TSHZ2: variants seen among roughly 807,000 people sequenced by gnomAD.
TSHZ2 encodes teashirt homolog 2.
A neutral mutation model predicts 74.4 loss-of-function variants in TSHZ2; 21 were observed. That is an observed-to-expected ratio of 0.28 (90% CI 0.20 to 0.41). The LOEUF (loss-of-function observed/expected upper bound fraction) is 0.41, where lower values mean the gene tolerates loss of function less well. Among genes scored for constraint, TSHZ2 ranks in the 10% least tolerant of loss-of-function variants. The probability of loss-of-function intolerance (pLI) is 1.00; values close to 1 mark genes in which losing one functional copy is unlikely to be tolerated. For synonymous variants in TSHZ2, 540 were observed against 515.3 expected (o/e 1.05, Z -0.65); for missense variants, 1,244 against 1,293.5 (o/e 0.96, Z 0.59).
chr20:53,082,422 T>C (rs894894592), intron 1 of TSHZ2, among the ~76,000 whole-genome samples: 1 of 152,202 alleles, frequency 6.6e-6, no homozygotes, highest in African/African-American at 2.4e-5. Flanking sequence ...GAGGCACCAT[T>C]AGTAGTAAAA....
At chr20:53,131,117 G>A (rs1987090621) in intron 1 of TSHZ2, among the ~76,000 whole-genome samples, 3 of 152,110 alleles carry the variant, frequency 2.0e-5, no homozygotes, top group African/African-American at 7.2e-5. Flanking sequence ...ACCAGATTAG[G>A]TTGTTTATGA....
At chr20:53,125,096 G>A (rs1320606257) in intron 1 of TSHZ2, among the ~76,000 whole-genome samples, 1 of 152,206 alleles carries the variant, frequency 6.6e-6, no homozygotes, top group African/African-American at 2.4e-5. Flanking sequence ...CTTTTGGAAT[G>A]CGATTTTGTC....
At chr20:53,399,477 G>C (rs1053280057) in intron 2 of TSHZ2, 2 of 152,224 alleles carry the variant, frequency 1.3e-5, no homozygotes, top group Non-Finnish European at 2.9e-5. Context: ...AGTTCTCCGA[G>C]GTGGCCTCTG....
At chr20:53,015,134 G>A (rs1410845714) in intron 1 of TSHZ2, among the ~76,000 whole-genome samples, 1 of 152,108 alleles carries the variant, frequency 6.6e-6, no homozygotes, top group Admixed American at 6.5e-5. Context: ...TCTTCCCATG[G>A]CCTGGCTTCT....
chr20:53,370,871 A>C (rs900994574), intron 2 of TSHZ2, among the ~76,000 whole-genome samples: 4 of 152,084 alleles, frequency 2.6e-5, no homozygotes, highest in African/African-American at 9.7e-5. Flanking sequence ...ATTACTACAA[A>C]CTCAGTGGCT....
At position 53,400,856 on chromosome 20, in the gene TSHZ2, T is replaced by C. The variant is rs180685958; in HGVS notation, c.*9-86288T>C. ...AGGGTGCTCTCCCAGACCTGTATCATCCACCTCCGTTATCTCCCCTCACAC... is the reference window on the plus strand; with the variant it reads ...AGGGTGCTCTCCCAGACCTGTATCACCCACCTCCGTTATCTCCCCTCACAC... On this transcript the variant is annotated intron_variant, in intron 2 of 2. Transcript: ENST00000371497. 2.3e-3 allele frequency among the ~76,000 whole-genome samples: 353 copies of C among 152,262 alleles called. 7 individuals carry two copies. The highest frequency in any genetic ancestry group is 8.2e-4 in the Non-Finnish European group (56 of 68,016).
intron 2 of TSHZ2, among the ~76,000 whole-genome samples, chr20:53,287,039 C>T (rs1352913253): frequency 2.0e-5 from 3 of 152,082 alleles, no homozygotes; most frequent in East Asian, 1.9e-4. Flanking sequence ...AATGCACAAT[C>T]GTAGTGCCTG....
At chr20:53,265,915 T>C (rs1990706318) in intron 2 of TSHZ2, among the ~76,000 whole-genome samples, 1 of 152,178 alleles carries the variant, frequency 6.6e-6, no homozygotes, top group Non-Finnish European at 1.5e-5. Flanking sequence ...TCCCTTCCTT[T>C]CTTTCTTTTT....
chr20:53,271,172 G>C (rs1990828967), intron 2 of TSHZ2, among the ~76,000 whole-genome samples: 1 of 152,216 alleles, frequency 6.6e-6, no homozygotes, highest in Admixed American at 6.5e-5. Context: ...ATCCTGGGAA[G>C]GAAACACACA....
intron 1 of TSHZ2, among the ~76,000 whole-genome samples, chr20:52,986,167 G>A (rs958047584): frequency 2.0e-5 from 3 of 151,998 alleles, no homozygotes; most frequent in African/African-American, 4.8e-5. Context: ...CTAGGCAGGC[G>A]GATCACGAGG....
intron 1 of TSHZ2, among the ~76,000 whole-genome samples, chr20:53,043,989 T>C (rs565120540): frequency 6.6e-6 from 1 of 152,368 alleles, no homozygotes; most frequent in African/African-American, 2.4e-5. Context: ...TCCTAAGTAA[T>C]CCTTCATTCT....
intron 1 of TSHZ2, among the ~76,000 whole-genome samples, chr20:53,081,832 T>A (rs1455224254): frequency 6.6e-6 from 1 of 152,188 alleles, no homozygotes; most frequent in Non-Finnish European, 1.5e-5. Flanking sequence ...GTGGTCCTTT[T>A]TAGAAACACA....
At chr20:53,408,791 G>A (rs75469030) in intron 2 of TSHZ2, among the ~76,000 whole-genome samples, 2,778 of 152,254 alleles carry the variant, frequency 0.018, 91 homozygotes, top group African/African-American at 0.063. Context: ...GCTTCCAAAC[G>A]TATCTTTCAC....
At chr20:53,006,345 AATAG>A (rs1982645302) in intron 1 of TSHZ2, among the ~76,000 whole-genome samples, 1 of 152,248 alleles carries the variant, frequency 6.6e-6, no homozygotes, top group Non-Finnish European at 1.5e-5. Flanking sequence ...GAGACTGAGA[AATAG>A]ATACAGATTT....
chr20:53,414,245 G>T (rs1487013787), intron 2 of TSHZ2, among the ~76,000 whole-genome samples: 1 of 152,142 alleles, frequency 6.6e-6, no homozygotes, highest in East Asian at 1.9e-4. Flanking sequence ...GGTTACAGGG[G>T]TACTTTATAT....
chr20:53,136,844 T>G (rs1385284659), intron 1 of TSHZ2, among the ~76,000 whole-genome samples: 1 of 152,206 alleles, frequency 6.6e-6, no homozygotes, highest in Non-Finnish European at 1.5e-5. Flanking sequence ...GTTTGGATTT[T>G]TTTTCCCCTT....
intron 1 of TSHZ2, among the ~76,000 whole-genome samples, chr20:53,210,477 A>T (rs1166171640): frequency 6.6e-6 from 1 of 151,934 alleles, no homozygotes; most frequent in East Asian, 1.9e-4. Context: ...CCAGTGGCTG[A>T]ACTCAACTCC....
At chr20:53,006,673 C>T (rs1295473672) in intron 1 of TSHZ2, among the ~76,000 whole-genome samples, 4 of 152,194 alleles carry the variant, frequency 2.6e-5, no homozygotes, top group African/African-American at 7.2e-5. Flanking sequence ...GTAAATCACA[C>T]GTGGTACCTG....
At chr20:53,057,276 T>C (rs1369945177) in intron 1 of TSHZ2, among the ~76,000 whole-genome samples, 1 of 152,204 alleles carries the variant, frequency 6.6e-6, no homozygotes. Context: ...CTTGTAAGCA[T>C]GCACCATTTT....
Sources: gnomAD v4.1 joint callset for allele counts (sites outside exome capture counted in the v4.1 genomes callset) on GRCh38, gnomAD v4.1.1 for gene constraint, MANE v1.5 for transcripts, NCBI Gene and HGNC (gene_info 2026-07-23, HGNC 2026-07-21) for gene names.